CDYL: variants seen among roughly 807,000 people sequenced by gnomAD.
CDYL encodes chromodomain Y like.
Under a neutral mutation model 47.3 loss-of-function variants are expected in CDYL, and 8 were observed. The ratio of observed to expected loss-of-function variants is 0.17; its 90% CI spans 0.10 to 0.31. The LOEUF is 0.31. Ranked by LOEUF, CDYL falls within the 10% of genes least tolerant of loss-of-function variation. The pLI, the probability that CDYL is intolerant of heterozygous loss-of-function variation, is 1.00. For missense variants in CDYL, 471 were observed against 701.4 expected (o/e 0.67, Z 3.71); for synonymous variants, 266 against 265.0 (o/e 1.00, Z -0.04).
Position 4,764,674 on chromosome 6 carries a change from A to G in CDYL, c.186+29830A>G, listed in dbSNP as rs75733560. Among the ~76,000 whole-genome samples the G allele has an allele frequency of 3.6e-3, 550 of 152,364 alleles. 20 individuals are homozygous for G. The East Asian group carries it at 0.088, about 24-fold the overall frequency. ...TGACAAAATGCTTCCTTCACCAGAT[A>G]GATTATAACAATTTTAAACTTGTAT... is the stretch of plus-strand genomic sequence containing the variant. On this transcript the variant is annotated intron_variant, in intron 3 of 8. Coordinates refer to the CDYL transcript ENST00000328908.
chr6:4,813,191 C>T (rs917547870), intron 1 of CDYL, among the ~76,000 whole-genome samples: 1 of 152,164 alleles, frequency 6.6e-6, no homozygotes, highest in African/African-American at 2.4e-5. Flanking sequence ...TTCATTTTCT[C>T]ATCTGGTGTA....
chr6:4,717,939 G>C (rs1757300431), intron 2 of CDYL, among the ~76,000 whole-genome samples: 1 of 151,384 alleles, frequency 6.6e-6, no homozygotes, highest in African/African-American at 2.4e-5. Flanking sequence ...TCAACCCCCT[G>C]GGCTCAAGGG....
In CDYL at chr6:4,884,066, G is replaced by T. The variant is rs116654362; in HGVS notation, c.25-7647G>T. ...ACATGGTGGTAGGAAATTTGTCCAT[G>T]ACGTTCTCTAAAGTGATCCATAAAA... On this transcript the variant is annotated intron_variant, in intron 1 of 6. Coordinates refer to ENST00000397588, the MANE Select transcript of CDYL (RefSeq NM_004824.4). 4.4e-3 allele frequency among the ~76,000 whole-genome samples: 674 copies of T among 152,282 alleles called. 4 individuals are homozygous for T. The highest frequency in any genetic ancestry group is 0.015 in the African/African-American group (634 of 41,536).
intron 1 of CDYL, among the ~76,000 whole-genome samples, chr6:4,822,601 C>G (rs978143090): frequency 2.6e-5 from 4 of 152,162 alleles, no homozygotes; most frequent in African/African-American, 9.7e-5. Context: ...GAGCCACCAG[C>G]AGCCATTCTC....
At chr6:4,914,801 G>A (rs1272345198) in intron 2 of CDYL, among the ~76,000 whole-genome samples, 1 of 152,228 alleles carries the variant, frequency 6.6e-6, no homozygotes, top group Non-Finnish European at 1.5e-5. Context: ...CACGCATAGA[G>A]GTGTTTCAGT....
rs1378600964 is a variant in CDYL at position 4,895,171 on chromosome 6, GTATGTATA to G, written c.691+2798_691+2805del. ...TCTATACACATACATGTACATATGT[GTATGTATA>G]TATGTGTATATATGTATACATGAGT... On this transcript the variant is annotated intron_variant, in intron 2 of 6. Transcript: ENST00000397588. Among the ~76,000 whole-genome samples, 8 of 19,942 alleles carry G rather than the reference GTATGTATA, an allele frequency of 4.0e-4. 2 individuals carry two copies. The highest frequency in any genetic ancestry group is 5.7e-3 in the East Asian group (1 of 176). The allele number at this position is 19,942 out of a possible 152,430, so 13.1% of individuals were successfully genotyped here. A position where few individuals can be genotyped will look rare whatever the true frequency, so the allele number is the denominator to read the frequency against.
chr6:4,943,753 A>G lies in CDYL; in HGVS notation c.1329A>G (p.Ala443=), dbSNP rs1758429545. The part of the protein sequence containing the change: ...TVMFPKIMGG[A]SANEMLLSGR... ...TGTTTCCCAAGATAATGGGAGGAGC[A>G]TCTGTGAGTACCTTTTTAAAAAAAA... is the stretch of plus-strand genomic sequence containing the variant. The change falls in exon 5 of 7, where the codon GCA becomes GCG. Residue 443 remains alanine (A), a synonymous_variant. Coordinates refer to ENST00000397588, the MANE Select transcript of CDYL (RefSeq NM_004824.4). 1.3e-6 allele frequency: 2 copies of G among 1,529,066 alleles called. No homozygotes were observed. The highest frequency in any genetic ancestry group is 4.2e-5 in the Admixed American group (2 of 47,626). 94.7% of individuals were successfully genotyped at this position (1,529,066 alleles called of 1,614,324 possible). A position where few individuals can be genotyped will look rare whatever the true frequency, so the allele number is the denominator to read the frequency against.
chr6:4,848,452 TGCCTCCTATTATA>T (rs1216496898), intron 1 of CDYL, among the ~76,000 whole-genome samples: 9 of 152,254 alleles, frequency 5.9e-5, no homozygotes. Context: ...GCCCGATGTA[TGCCTCCTATTATA>T]GTGTTGAAAA....
At chr6:4,831,531 C>T (rs1313794295) in intron 1 of CDYL, among the ~76,000 whole-genome samples, 4 of 152,174 alleles carry the variant, frequency 2.6e-5, no homozygotes, top group African/African-American at 4.8e-5. Context: ...CAGCTTTGTT[C>T]TTTTGGCTTA....
intron 2 of CDYL, among the ~76,000 whole-genome samples, chr6:4,716,110 G>C (rs573080556): frequency 1.3e-5 from 2 of 151,966 alleles, no homozygotes; most frequent in African/African-American, 4.8e-5. Flanking sequence ...TTAGCCTGGC[G>C]TGGTGTGGGT....
chr6:4,822,872 G>C (rs192815575), intron 1 of CDYL, among the ~76,000 whole-genome samples: 1 of 152,292 alleles, frequency 6.6e-6, no homozygotes, highest in African/African-American at 2.4e-5. Context: ...GCTCACAAGG[G>C]AATTTCTCTC....
At position 4,744,885 on chromosome 6, in the gene CDYL, A is replaced by G. The variant is rs1757861978; in HGVS notation, c.186+10041A>G. On this transcript the variant is annotated intron_variant, in intron 3 of 8. Transcript: ENST00000328908. ...AAAGAAATGACTCTCAACTGTGTCA[A>G]CTATTCAGCACTAGCCAATCATTCA... 2.6e-5 allele frequency among the ~76,000 whole-genome samples: 4 copies of G among 152,298 alleles called. No individual in the cohort carries two copies. The South Asian group carries it at 8.3e-4, about 32-fold the overall frequency.
chr6:4,936,514 C>G (rs1049498551), intron 3 of CDYL, among the ~76,000 whole-genome samples: 109 of 152,228 alleles, frequency 7.2e-4, no homozygotes, highest in African/African-American at 2.6e-3. Context: ...CATAACAAAC[C>G]AGTTCAAAGT....
chr6:4,759,006 C>G (rs1758126479), intron 3 of CDYL, among the ~76,000 whole-genome samples: 1 of 135,684 alleles, frequency 7.4e-6, no homozygotes, highest in Non-Finnish European at 1.5e-5. Context: ...CTCGTTCTGT[C>G]TCCCAGGCTG....
At chr6:4,722,823 G>A (rs1014994774) in intron 2 of CDYL, among the ~76,000 whole-genome samples, 4 of 152,220 alleles carry the variant, frequency 2.6e-5, no homozygotes, top group Admixed American at 2.6e-4. Context: ...GTTGCAATGA[G>A]CCAAGATCGT....
At chr6:4,708,694 T>C (rs1757092425) in intron 1 of CDYL, among the ~76,000 whole-genome samples, 1 of 152,148 alleles carries the variant, frequency 6.6e-6, no homozygotes, top group Non-Finnish European at 1.5e-5. Context: ...TTTAAAGCAA[T>C]ACTTACAGAC....
At chr6:4,781,156 G>C (rs1224026406) in intron 1 of CDYL, among the ~76,000 whole-genome samples, 4 of 152,174 alleles carry the variant, frequency 2.6e-5, no homozygotes, top group African/African-American at 2.4e-5. Context: ...GTAAAAAATT[G>C]TTTTAAAGTT....
intron 1 of CDYL, among the ~76,000 whole-genome samples, chr6:4,804,272 G>T (rs1264756531): frequency 2.0e-5 from 3 of 152,168 alleles, no homozygotes; most frequent in East Asian, 3.8e-4. Flanking sequence ...CCACGAGAAT[G>T]GTGGGCCTGA....
chr6:4,872,897 G>A (rs1761515141), intron 1 of CDYL, among the ~76,000 whole-genome samples: 1 of 152,184 alleles, frequency 6.6e-6, no homozygotes, highest in South Asian at 2.1e-4. Context: ...ATTCAGAACA[G>A]GAATTTCTTT....
Sources: allele counts gnomAD v4.1 joint callset (sites outside exome capture counted in the v4.1 genomes callset), GRCh38; gene constraint gnomAD v4.1.1; transcripts MANE v1.5; gene names NCBI Gene and HGNC (gene_info 2026-07-23, HGNC 2026-07-21).